PDE6C: variants seen among roughly 807,000 people sequenced by gnomAD.
PDE6C encodes the protein cone cGMP-specific 3',5'-cyclic phosphodiesterase subunit alpha'.
A neutral mutation model predicts 113.1 loss-of-function variants in PDE6C; 75 were observed. That is an observed-to-expected ratio of 0.66 (90% CI 0.55 to 0.80). The LOEUF (loss-of-function observed/expected upper bound fraction) is 0.80, where lower values mean the gene tolerates loss of function less well. Among genes scored for constraint, PDE6C ranks in the 30% least tolerant of loss-of-function variants. The probability of loss-of-function intolerance (pLI) is 0.00; values close to 1 mark genes in which losing one functional copy is unlikely to be tolerated. For missense variants in PDE6C, 912 were observed against 1,038.6 expected (o/e 0.88, Z 1.67); for synonymous variants, 375 against 363.7 (o/e 1.03, Z -0.35).
At chr10:93,640,424 G>T (rs774914165) in intron 12 of PDE6C, 26 bp from the exon 13 acceptor site, 25 of 1,538,348 alleles carry the variant, frequency 1.6e-5, no homozygotes, top group East Asian at 2.2e-5. Context: ...CTATTCCAAA[G>T]TCTGAATGGT....
rs2058518262 is a variant in PDE6C at position 93,634,482 on chromosome 10, C to A, written c.1120-276C>A. 9.2e-5 allele frequency among the ~76,000 whole-genome samples: 14 copies of A among 152,270 alleles called. No homozygotes were observed. In the South Asian group the frequency reaches 2.7e-3, roughly 29 times the overall value. On this transcript the variant is annotated intron_variant, in intron 8 of 21. Transcript: ENST00000371447. ...GCATAAAACTATATGTACACACACA[C>A]ATATATGTGCAAAAGTAACTGCATA...
chr10:93,647,301 C>T (rs1227020387), intron 15 of PDE6C, among the ~76,000 whole-genome samples: 2 of 152,078 alleles, frequency 1.3e-5, no homozygotes, highest in East Asian at 3.9e-4. Flanking sequence ...GCTTTTCTCA[C>T]TTTCAATAAT....
At chr10:93,632,476 T>A (rs1221099562) in intron 8 of PDE6C, among the ~76,000 whole-genome samples, 1 of 152,182 alleles carries the variant, frequency 6.6e-6, no homozygotes, top group Non-Finnish European at 1.5e-5. Flanking sequence ...TCCTACTAAT[T>A]TTTCTTAAAC....
intron 8 of PDE6C, among the ~76,000 whole-genome samples, chr10:93,634,127 A>G (rs2058516509): frequency 6.6e-6 from 1 of 152,044 alleles, no homozygotes; most frequent in Admixed American, 6.5e-5. Context: ...GGTTCAAGCA[A>G]TTCTCCTGCC....
chr10:93,639,999 A>C (rs1225396344), intron 11 of PDE6C, 71 bp from the exon 12 acceptor site: 1 of 1,523,038 alleles, frequency 6.6e-7, no homozygotes, highest in East Asian at 2.3e-5. Context: ...TTTACACCCA[A>C]TGTTGGCTAT....
intron 15 of PDE6C, among the ~76,000 whole-genome samples, chr10:93,648,899 C>T (rs2058596525): frequency 6.6e-6 from 1 of 152,146 alleles, no homozygotes; most frequent in South Asian, 2.1e-4. Context: ...CATCAGCCTG[C>T]CCCATTTTAC....
At chr10:93,644,901 G>GTATATA (rs56271523) in intron 14 of PDE6C, among the ~76,000 whole-genome samples, 3 of 145,404 alleles carry the variant, frequency 2.1e-5, no homozygotes, top group South Asian at 2.1e-4. Flanking sequence ...AGTATATATA[G>GTATATA]TATATATACA....
chr10:93,629,391 G>A (rs977865120), intron 8 of PDE6C, 86 bp downstream of exon 8: 29 of 999,644 alleles, frequency 2.9e-5, no homozygotes, highest in East Asian at 9.5e-5. Flanking sequence ...CCCAGAGTCC[G>A]CCTGATGCTC....
At position 93,620,740 on chromosome 10, in the gene PDE6C, G is replaced by A; in HGVS notation, c.589G>A (p.Val197Ile). The A allele has an allele frequency of 1.9e-6, 3 of 1,614,150 alleles. No homozygotes were observed. Among genetic ancestry groups the A allele is most frequent in the Non-Finnish European group, 2.5e-6 (3 of 1,180,010 alleles). The change falls in exon 2 of 22, where the codon GTT becomes ATT. Residue 197 changes from valine (V) to isoleucine (I), a missense_variant. Transcript: ENST00000371447. Reference sequence around the variant, plus strand: ...GGAGGTTCTTGCTGTGATCATGGCAGTTAACAAAGTAAATGCATCTGAATT... The same window carrying A: ...GGAGGTTCTTGCTGTGATCATGGCAATTAACAAAGTAAATGCATCTGAATT... ...GKEVLAVIMA[V>I]NKVNASEFSK... is the part of the protein sequence containing the mutation.
chr10:93,645,681 G>A (rs115541090), intron 14 of PDE6C, among the ~76,000 whole-genome samples: 1,940 of 152,110 alleles, frequency 0.013, 49 homozygotes, highest in African/African-American at 0.043. Context: ...ACCGCCATAA[G>A]CCCCAGGGAA....
At chr10:93,659,236 CCTAAAGATCTCAGG>C (rs2058655344) in intron 18 of PDE6C, 69 bp downstream of exon 18, 1 of 1,074,030 alleles carries the variant, frequency 9.3e-7, no homozygotes, top group Admixed American at 1.8e-5. Flanking sequence ...TAAATGTCCA[CCTAAAGATCTCAGG>C]CAACCTCAGA....
intron 9 of PDE6C, among the ~76,000 whole-genome samples, chr10:93,635,108 T>C (rs2058521607): frequency 1.3e-5 from 2 of 152,212 alleles, no homozygotes; most frequent in African/African-American, 4.8e-5. Flanking sequence ...AAGTATAAAA[T>C]TTTAGCTTAA....
chr10:93,651,529 A>G (rs2133872702), intron 15 of PDE6C, among the ~76,000 whole-genome samples: 1 of 152,312 alleles, frequency 6.6e-6, no homozygotes, highest in Non-Finnish European at 1.5e-5. Context: ...TATCATGAGA[A>G]CAGCGTGGGA....
At chr10:93,613,301 G>A in intron 1 of PDE6C, 96 bp downstream of exon 1, 1 of 1,525,140 alleles carries the variant, frequency 6.6e-7, no homozygotes. Flanking sequence ...GCATTAGTTT[G>A]GCAATAACCG....
rs77786873 is a variant in PDE6C, at chr10:93,660,332, T to C, written c.2208+1165T>C. On this transcript the variant is annotated intron_variant, in intron 18 of 21. Coordinates refer to ENST00000371447, the MANE Select transcript of PDE6C (RefSeq NM_006204.4). ...CTTGTATGTTTTATGCTAGGTTGGA[T>C]GAATTAGATAGTCATGGAGAAATAG... 7.7e-3 allele frequency among the ~76,000 whole-genome samples: 1,167 copies of C among 152,320 alleles called. 8 individuals are homozygous for C. The highest frequency in any genetic ancestry group is 0.021 in the African/African-American group (893 of 41,562).
Position 93,620,692 on chromosome 10 carries a change from G to A in PDE6C, c.541G>A (p.Ala181Thr), listed in dbSNP as rs1243047595. 4 of 1,613,982 alleles carry A rather than the reference G, an allele frequency of 2.5e-6. No homozygotes were observed. The highest frequency in any genetic ancestry group is 4.5e-5 in the East Asian group (2 of 44,896). ...QTGYVTKNLL[A>T]TPIVVGKEVL... is the part of the protein sequence containing the mutation. Reference sequence around the variant, plus strand: ...TGGGTATGTCACTAAGAACCTGCTGGCAACCCCGATCGTGGTGGGCAAGGA... The same window carrying A: ...TGGGTATGTCACTAAGAACCTGCTGACAACCCCGATCGTGGTGGGCAAGGA... Residue 181 changes from alanine to threonine, a missense_variant, in exon 2 of 22, where the codon GCA becomes ACA. Transcript: ENST00000371447.
intron 16 of PDE6C, among the ~76,000 whole-genome samples, chr10:93,656,604 C>T (rs2058638912): frequency 6.6e-6 from 1 of 151,984 alleles, no homozygotes. Context: ...AGGTCTCACT[C>T]TGTCACCTGG....
intron 1 of PDE6C, among the ~76,000 whole-genome samples, chr10:93,615,236 G>A (rs540815219): frequency 6.6e-6 from 1 of 152,282 alleles, no homozygotes; most frequent in Admixed American, 6.5e-5. Flanking sequence ...AGGCTGCAGT[G>A]AGCTGTGTTC....
At position 93,658,891 on chromosome 10, in the gene PDE6C, T is replaced by C. The variant is rs766195189; in HGVS notation, c.2037-10T>C. 2 of 1,530,044 alleles carry C rather than the reference T, an allele frequency of 1.3e-6. No homozygotes were observed. The highest frequency in any genetic ancestry group is 3.3e-5 in the Admixed American group (2 of 59,860). 94.8% of individuals were successfully genotyped at this position (1,530,044 alleles called of 1,614,324 possible). ...GCTAAAATTGTTGCTCACAGCTGTA[T>C]CTTTTCTAGGAAGAGGACCATGTTT... is the stretch of plus-strand genomic sequence containing the variant. On this transcript the variant is annotated splice_polypyrimidine_tract_variant and intron_variant, in intron 16 of 21. Transcript: ENST00000371447.
Sources: gnomAD v4.1 joint callset for allele counts (sites outside exome capture counted in the v4.1 genomes callset) on GRCh38, gnomAD v4.1.1 for gene constraint, MANE v1.5 for transcripts, NCBI Gene and HGNC (gene_info 2026-07-23, HGNC 2026-07-21) for gene names.